Variants in SRSF11 observed in about 807,000 individuals in gnomAD.
SRSF11 encodes serine and arginine rich splicing factor 11, also known as serine/arginine-rich splicing factor 11.
In SRSF11, 9 loss-of-function variants were observed where a neutral mutation model predicts 56.0. That is an observed-to-expected ratio of 0.16 (90% CI 0.10 to 0.28). SRSF11 has a LOEUF of 0.28. Ranked by LOEUF, SRSF11 falls within the 10% of genes least tolerant of loss-of-function variation. The pLI, the probability that SRSF11 is intolerant of heterozygous loss-of-function variation, is 1.00. For synonymous variants in SRSF11, 222 were observed against 215.3 expected (o/e 1.03, Z -0.27); for missense variants, 421 against 600.7 (o/e 0.70, Z 3.13).
chr1:70,222,451 AGTT>A (rs1380043060), intron 1 of SRSF11, among the ~76,000 whole-genome samples: 1 of 152,236 alleles, frequency 6.6e-6, no homozygotes, highest in Non-Finnish European at 1.5e-5. Context: ...GATATTTCAC[AGTT>A]GTTCTTGAGA....
At chr1:70,236,737 C>G (rs187933087) in intron 5 of SRSF11, among the ~76,000 whole-genome samples, 3 of 151,696 alleles carry the variant, frequency 2.0e-5, no homozygotes, top group Non-Finnish European at 4.4e-5. Flanking sequence ...CTCAGTTCCT[C>G]CCCACCTACA....
intron 7 of SRSF11, among the ~76,000 whole-genome samples, chr1:70,241,283 A>G (rs186853266): frequency 1.3e-5 from 2 of 152,220 alleles, no homozygotes; most frequent in African/African-American, 2.4e-5. Context: ...AAGCACTTAT[A>G]TCATAAAATA....
At chr1:70,217,476 A>G (rs1369426564), upstream of SRSF11, among the ~76,000 whole-genome samples, 4 of 152,116 alleles carry the variant, frequency 2.6e-5, no homozygotes, top group East Asian at 7.7e-4. Context: ...TTTTATTGAA[A>G]GTCTGCCATA....
chr1:70,245,484 GGTA>G (rs559134946), intron 8 of SRSF11, among the ~76,000 whole-genome samples: 1 of 152,056 alleles, frequency 6.6e-6, no homozygotes, highest in South Asian at 2.1e-4. Flanking sequence ...AATCAAACAA[GGTA>G]GATTAATAGA....
At position 70,237,568 on chromosome 1, in the gene SRSF11, G is replaced by A. The variant is rs753875941; in HGVS notation, c.718+16G>A. ...ATAGAACCAGGTAAACAATGTTTAT[G>A]CAATTTTGTTGTGTGATTCTTAGCA... On this transcript the variant is annotated intron_variant, in intron 6 of 11. Transcript: ENST00000370949. The A allele has an allele frequency of 1.2e-6, 2 of 1,607,346 alleles. No homozygotes were observed. The highest frequency in any genetic ancestry group is 1.7e-6 in the Non-Finnish European group (2 of 1,178,200).
At position 70,237,240 on chromosome 1, in the gene SRSF11, A is replaced by G. The variant is rs529444737; in HGVS notation, c.591-185A>G. ...CAGATGACTCTTAGTCATTAAAACA[A>G]ATACTTGTAAATATTCAAAACAGTG... On this transcript the variant is annotated intron_variant, in intron 5 of 11. Coordinates refer to ENST00000370949, the MANE Select transcript of SRSF11 (RefSeq NM_001350605.2). Among the ~76,000 whole-genome samples the G allele has an allele frequency of 3.6e-3, 546 of 152,348 alleles. 6 individuals are homozygous for G. Among genetic ancestry groups the G allele is most frequent in the African/African-American group, 0.013 (524 of 41,568 alleles).
intron 3 of SRSF11, among the ~76,000 whole-genome samples, chr1:70,233,979 A>G (rs1050787828): frequency 1.8e-4 from 27 of 152,324 alleles, no homozygotes; most frequent in African/African-American, 6.3e-4. Flanking sequence ...AGGAACACCC[A>G]TTTAGTTCAG....
chr1:70,234,591 T>A (rs1673541256), intron 3 of SRSF11, 105 bp from the exon 4 acceptor site: 1 of 853,664 alleles, frequency 1.2e-6, no homozygotes, highest in South Asian at 1.9e-5. Context: ...CCATGTAGCC[T>A]GAAAACTCAA....
At chr1:70,207,922 G>A (rs1159843490) in intron 1 of SRSF11, among the ~76,000 whole-genome samples, 1 of 151,876 alleles carries the variant, frequency 6.6e-6, no homozygotes, top group Non-Finnish European at 1.5e-5. Flanking sequence ...TGTTGCCAAG[G>A]CTGGTCTTGA....
At chr1:70,242,482 T>TTTTTTTTTTTTTTA (rs56304869) in intron 7 of SRSF11, among the ~76,000 whole-genome samples, 2 of 151,178 alleles carry the variant, frequency 1.3e-5, no homozygotes, top group Admixed American at 6.6e-5. Context: ...CTTTTTTTTT[T>TTTTTTTTTTTTTTA]ATGTAGAGAC....
chr1:70,229,106 GTTTTA>G (rs1672408927), intron 2 of SRSF11: 5 of 1,191,710 alleles, frequency 4.2e-6, no homozygotes, highest in Non-Finnish European at 4.2e-6. Flanking sequence ...GGCACTGGGT[GTTTTA>G]TTTTATGCCA....
intron 3 of SRSF11, among the ~76,000 whole-genome samples, chr1:70,232,756 A>G (rs1673087352): frequency 6.6e-6 from 1 of 151,910 alleles, no homozygotes; most frequent in Non-Finnish European, 1.5e-5. Context: ...CTTCCCCTTT[A>G]TCTTTTCCTG....
chr1:70,224,314 A>G (rs1033256593), intron 1 of SRSF11, among the ~76,000 whole-genome samples: 2 of 152,124 alleles, frequency 1.3e-5, no homozygotes, highest in African/African-American at 2.4e-5. Context: ...CCCTAGACAT[A>G]TCTGTGACAT....
chr1:70,231,886 A>G, intron 2 of SRSF11: 1 of 1,513,772 alleles, frequency 6.6e-7, no homozygotes, highest in Non-Finnish European at 8.8e-7. Context: ...GTCGTTGTTC[A>G]TAAAACAGCT....
intron 2 of SRSF11, chr1:70,230,543 A>T (rs1571746585): frequency 7.9e-7 from 1 of 1,265,364 alleles, no homozygotes; most frequent in Non-Finnish European, 1.0e-6. Flanking sequence ...TTTCATTTCT[A>T]CACATTCATG....
chr1:70,241,894 GT>G (rs563335784), intron 7 of SRSF11, among the ~76,000 whole-genome samples: 1 of 152,086 alleles, frequency 6.6e-6, no homozygotes, highest in East Asian at 1.9e-4. Context: ...CCTGGGCCGG[GT>G]GGGGTGGCTC....
chr1:70,232,515 A>G lies in SRSF11; in HGVS notation c.447+138A>G, dbSNP rs758296740. The G allele has an allele frequency of 1.3e-5, 8 of 637,736 alleles. No homozygotes were observed. In the Admixed American group the frequency reaches 1.3e-4, roughly 10 times the overall value. 39.5% of individuals were successfully genotyped at this position (637,736 alleles called of 1,614,324 possible). ...TCACATGTCTATATCAAAATCACAA[A>G]TAGTATAGAAGATCTCTTAGACTTT... On this transcript the variant is annotated intron_variant, in intron 3 of 11. Coordinates refer to ENST00000370949, the MANE Select transcript of SRSF11 (RefSeq NM_001350605.2).
rs1314934950 is a variant in SRSF11, at chr1:70,250,347, A to G, written c.1119-18A>G. ...AAACAAGTTAAACCTGTTGCTGTAC[A>G]TTTTACTGTCATTCTAGACATAAAA... On this transcript the variant is annotated intron_variant, in intron 10 of 11. Transcript: ENST00000370949. 6.2e-7 allele frequency: 1 copy of G among 1,609,520 alleles called. No homozygotes were observed. Among genetic ancestry groups the G allele is most frequent in the African/African-American group, 1.3e-5 (1 of 74,396 alleles).
At position 70,221,452 on chromosome 1, in the gene SRSF11, C is replaced by T. The variant is rs979908846; in HGVS notation, c.-185C>T. On this transcript the variant is annotated 5_prime_UTR_variant, in exon 1 of 12. Transcript: ENST00000370949. Reference sequence around the variant, plus strand: ...GTCTCGAGCTCGCGCGCTCTCATCCCCTCCCCCGCGGCGTGCGGCGGGGCG... The same window carrying T: ...GTCTCGAGCTCGCGCGCTCTCATCCTCTCCCCCGCGGCGTGCGGCGGGGCG... 6 of 869,754 alleles carry T rather than the reference C, an allele frequency of 6.9e-6. No homozygotes were observed. The highest frequency in any genetic ancestry group is 3.4e-5 in the African/African-American group (2 of 58,108). 53.9% of individuals were successfully genotyped at this position (869,754 alleles called of 1,614,324 possible).
Sources: allele counts gnomAD v4.1 joint callset (sites outside exome capture counted in the v4.1 genomes callset), GRCh38; gene constraint gnomAD v4.1.1; transcripts MANE v1.5; gene names NCBI Gene and HGNC (gene_info 2026-07-23, HGNC 2026-07-21).